FBXL17: variants seen among roughly 807,000 people sequenced by gnomAD.
The protein encoded by FBXL17 is F-box and leucine rich repeat protein 17.
FBXL17 carries 22 observed loss-of-function variants against 66.2 expected under a neutral mutation model. The ratio of observed to expected loss-of-function variants is 0.33; its 90% confidence interval spans 0.24 to 0.47. The LOEUF (loss-of-function observed/expected upper bound fraction) is 0.47, where lower values mean the gene tolerates loss of function less well. Ranked by LOEUF, FBXL17 falls within the 20% of genes least tolerant of loss-of-function variation. The pLI is 1.00. For missense variants in FBXL17, 878 were observed against 948.2 expected, an observed-to-expected ratio of 0.93 and a Z score of 0.97; for synonymous variants, 474 against 400.5, an observed-to-expected ratio of 1.18 and a Z score of -2.19.
At chr5:108,129,563 G>T (rs1299764902) in intron 6 of FBXL17, among the ~76,000 whole-genome samples, 2 of 151,910 alleles carry the variant, frequency 1.3e-5, no homozygotes, top group Admixed American at 1.3e-4. Context: ...TCTATACAGT[G>T]AAAACGAGTC....
chr5:108,116,404 C>T (rs948125373), intron 6 of FBXL17, among the ~76,000 whole-genome samples: 6 of 151,566 alleles, frequency 4.0e-5, no homozygotes, highest in African/African-American at 1.2e-4. Flanking sequence ...CTTTGGGAGG[C>T]CAAGGAGGGT....
chr5:108,315,318 C>T (rs1759310335), intron 4 of FBXL17, among the ~76,000 whole-genome samples: 1 of 151,174 alleles, frequency 6.6e-6, no homozygotes, highest in African/African-American at 2.4e-5. Flanking sequence ...ATTTAACATA[C>T]AAATAGTAAC....
chr5:107,980,662 A>ATTTTTTTTTT (rs1428679219), intron 7 of FBXL17, among the ~76,000 whole-genome samples: 1 of 65,840 alleles, frequency 1.5e-5, no homozygotes, highest in Non-Finnish European at 2.5e-5. Flanking sequence ...ATATATATAT[A>ATTTTTTTTTT]TATTTTTTTT....
intron 6 of FBXL17, among the ~76,000 whole-genome samples, chr5:108,118,402 A>G (rs1750347571): frequency 6.6e-6 from 1 of 152,202 alleles, no homozygotes; most frequent in African/African-American, 2.4e-5. Context: ...CCATCTACCC[A>G]GGTGCTCAAG....
chr5:107,979,948 T>C (rs1336518118), intron 7 of FBXL17, among the ~76,000 whole-genome samples: 5 of 152,234 alleles, frequency 3.3e-5, no homozygotes, highest in African/African-American at 7.2e-5. Context: ...TAATGGTTTC[T>C]AAATATAAAT....
chr5:108,228,522 C>A (rs979966583), intron 4 of FBXL17, among the ~76,000 whole-genome samples: 1 of 152,118 alleles, frequency 6.6e-6, no homozygotes, highest in African/African-American at 2.4e-5. Flanking sequence ...ATTACAGTAC[C>A]TACCCCACAG....
At chr5:108,325,071 G>A (rs1216084105) in intron 4 of FBXL17, among the ~76,000 whole-genome samples, 1 of 151,944 alleles carries the variant, frequency 6.6e-6, no homozygotes, top group Non-Finnish European at 1.5e-5. Flanking sequence ...TTGTTTAATG[G>A]GTATAAAGTT....
chr5:107,946,478 T>G (rs1751301362), intron 7 of FBXL17, among the ~76,000 whole-genome samples: 1 of 147,320 alleles, frequency 6.8e-6, no homozygotes, highest in Non-Finnish European at 1.5e-5. Context: ...ATTATTATTA[T>G]TATTATTTTG....
intron 3 of FBXL17, among the ~76,000 whole-genome samples, chr5:108,356,401 T>G (rs922050285): frequency 6.6e-6 from 1 of 152,176 alleles, no homozygotes; most frequent in Non-Finnish European, 1.5e-5. Flanking sequence ...GTAGTTTTAT[T>G]TATAATTACC....
intron 6 of FBXL17, among the ~76,000 whole-genome samples, chr5:108,053,828 A>C (rs915578865): frequency 6.6e-6 from 1 of 152,214 alleles, no homozygotes. Flanking sequence ...TTACTACAGC[A>C]CTATTTACAA....
intron 4 of FBXL17, among the ~76,000 whole-genome samples, chr5:108,279,155 C>A (rs181842189): frequency 6.6e-6 from 1 of 152,222 alleles, no homozygotes; most frequent in Non-Finnish European, 1.5e-5. Context: ...GCCATGTCAG[C>A]CAACTCAGAG....
chr5:108,282,156 C>T (rs1266446410), intron 4 of FBXL17, among the ~76,000 whole-genome samples: 1 of 151,806 alleles, frequency 6.6e-6, no homozygotes, highest in Non-Finnish European at 1.5e-5. Context: ...GGATGGAATT[C>T]TCCCAAACTC....
At chr5:107,921,586 C>T (rs887031724) in intron 7 of FBXL17, among the ~76,000 whole-genome samples, 2 of 152,174 alleles carry the variant, frequency 1.3e-5, no homozygotes, top group Non-Finnish European at 2.9e-5. Context: ...GCAACATTTT[C>T]TTACTTACTG....
chr5:108,267,391 T>A (rs1757086172), intron 4 of FBXL17, among the ~76,000 whole-genome samples: 1 of 152,064 alleles, frequency 6.6e-6, no homozygotes, highest in Non-Finnish European at 1.5e-5. Flanking sequence ...CTAGTTTATA[T>A]AAGACATTAA....
At chr5:107,911,413 T>C (rs929708610) in intron 7 of FBXL17, among the ~76,000 whole-genome samples, 4 of 152,134 alleles carry the variant, frequency 2.6e-5, no homozygotes, top group Admixed American at 2.0e-4. Flanking sequence ...GAAATAATTA[T>C]GATACTAGAG....
chr5:108,084,125 G>C (rs1748879923), intron 6 of FBXL17, among the ~76,000 whole-genome samples: 1 of 152,136 alleles, frequency 6.6e-6, no homozygotes, highest in Non-Finnish European at 1.5e-5. Flanking sequence ...CCTCTTGGAA[G>C]GTTAAACTTC....
At chr5:107,963,035 A>G (rs1751980118) in intron 7 of FBXL17, among the ~76,000 whole-genome samples, 1 of 152,218 alleles carries the variant, frequency 6.6e-6, no homozygotes, top group South Asian at 2.1e-4. Flanking sequence ...TGAAGGAAAA[A>G]AACACTTAAA....
chr5:107,966,581 TG>T (rs1264245614), intron 7 of FBXL17, among the ~76,000 whole-genome samples: 2 of 152,158 alleles, frequency 1.3e-5, no homozygotes, highest in Admixed American at 1.3e-4. Context: ...GGAGGTAAAC[TG>T]GGTAGCTGCT....
At chr5:108,276,483 A>T (rs940807235) in intron 4 of FBXL17, among the ~76,000 whole-genome samples, 4 of 152,060 alleles carry the variant, frequency 2.6e-5, no homozygotes, top group Non-Finnish European at 5.9e-5. Flanking sequence ...ACCTTAGAAT[A>T]ATATATTGTA....
Sources: allele counts gnomAD v4.1 joint callset (sites outside exome capture counted in the v4.1 genomes callset), GRCh38; gene constraint gnomAD v4.1.1; transcripts MANE v1.5; gene names NCBI Gene and HGNC (gene_info 2026-07-23, HGNC 2026-07-21).